FGF14: variants seen among roughly 807,000 people sequenced by gnomAD.
FGF14 encodes the protein fibroblast growth factor 14, also known as fibroblast growth factor homologous factor 4.
In FGF14, 5 loss-of-function variants were observed where a neutral mutation model predicts 25.5. The ratio of observed to expected loss-of-function variants is 0.20; its 90% confidence interval spans 0.10 to 0.41. The LOEUF is 0.41. Among genes scored for constraint, FGF14 ranks in the 10% least tolerant of loss-of-function variants. FGF14 has a pLI of 1.00. For synonymous variants in FGF14, 138 were observed against 118.3 expected (o/e 1.17, Z -1.08); for missense variants, 222 against 320.1 (o/e 0.69, Z 2.34).
At chr13:101,937,456 A>C (rs1043793343) in intron 1 of FGF14, among the ~76,000 whole-genome samples, 20 of 152,328 alleles carry the variant, frequency 1.3e-4, no homozygotes, top group Admixed American at 7.2e-4. Context: ...CACAGAGATG[A>C]AACATGTGAA....
At chr13:102,020,248 G>A (rs2040564501) in intron 1 of FGF14, among the ~76,000 whole-genome samples, 1 of 151,710 alleles carries the variant, frequency 6.6e-6, no homozygotes, top group African/African-American at 2.4e-5. Context: ...AGACCTAGGA[G>A]GTAAGAGAGT....
intron 1 of FGF14, among the ~76,000 whole-genome samples, chr13:102,036,995 A>G (rs1926012): frequency 0.43 from 65,040 of 151,918 alleles, 14,366 homozygotes; most frequent in East Asian, 0.73. Context: ...TCAGAGTGGC[A>G]TCCTTTCCAA....
intron 1 of FGF14, among the ~76,000 whole-genome samples, chr13:102,396,281 C>A (rs929943921): frequency 6.6e-6 from 1 of 152,136 alleles, no homozygotes; most frequent in African/African-American, 2.4e-5. Context: ...TAAAAATAGG[C>A]ACAGTGCAAT....
chr13:101,945,453 G>A (rs1260650214), intron 1 of FGF14, among the ~76,000 whole-genome samples: 2 of 152,196 alleles, frequency 1.3e-5, no homozygotes, highest in African/African-American at 2.4e-5. Flanking sequence ...TATTTTATAT[G>A]AACTGTTAGA....
intron 3 of FGF14, among the ~76,000 whole-genome samples, chr13:101,805,188 A>G (rs1052851311): frequency 6.6e-6 from 1 of 152,150 alleles, no homozygotes; most frequent in Non-Finnish European, 1.5e-5. Context: ...GATAGGGTTG[A>G]GAAACACTCA....
At chr13:102,316,256 A>T (rs1303576615) in intron 1 of FGF14, among the ~76,000 whole-genome samples, 3 of 152,214 alleles carry the variant, frequency 2.0e-5, no homozygotes, top group Non-Finnish European at 4.4e-5. Context: ...GCATACTATC[A>T]TGTTACATAC....
At chr13:101,996,007 C>T (rs1365346963) in intron 1 of FGF14, among the ~76,000 whole-genome samples, 1 of 152,112 alleles carries the variant, frequency 6.6e-6, no homozygotes, top group African/African-American at 2.4e-5. Context: ...AAGAGTATAA[C>T]TGAATTGTTT....
At chr13:102,257,337 C>CTTTGCTTTTTTTTTTTTTTTTTT (rs2052492390) in intron 1 of FGF14, among the ~76,000 whole-genome samples, 1 of 24,978 alleles carries the variant, frequency 4.0e-5, no homozygotes, top group Non-Finnish European at 9.1e-5. Flanking sequence ...CATTTCCTTT[C>CTTTGCTTTTTTTTTTTTTTTTTT]TTTTCTTTTT....
chr13:102,156,948 A>G (rs1419500059), intron 1 of FGF14, among the ~76,000 whole-genome samples: 1 of 152,196 alleles, frequency 6.6e-6, no homozygotes, highest in Admixed American at 6.5e-5. Context: ...TCCAACTTAC[A>G]AGGGATGTGA....
In FGF14 at chr13:102,204,090, T is replaced by C. The variant is rs9554858; in HGVS notation, c.208+197381A>G. Among the ~76,000 whole-genome samples, 27 of 152,318 alleles carry C rather than the reference T, an allele frequency of 1.8e-4. No homozygotes were observed. In the East Asian group the frequency reaches 5.0e-3, roughly 28 times the overall value. On this transcript the variant is annotated intron_variant, in intron 1 of 4. Coordinates refer to the FGF14 transcript ENST00000376131. Reference sequence around the variant, plus strand: ...GTTACCACAGTGGAAACTGAATTCATGGCAACAATATCCAAAATTGTGATT... The same window carrying C: ...GTTACCACAGTGGAAACTGAATTCACGGCAACAATATCCAAAATTGTGATT...
At chr13:101,853,799 C>T (rs1226153309) in intron 3 of FGF14, among the ~76,000 whole-genome samples, 1 of 151,930 alleles carries the variant, frequency 6.6e-6, no homozygotes, top group East Asian at 1.9e-4. Flanking sequence ...GCCCTCACTA[C>T]TAATCACTTT....
chr13:102,260,993 C>T (rs1566874872), intron 1 of FGF14, among the ~76,000 whole-genome samples: 1 of 152,192 alleles, frequency 6.6e-6, no homozygotes, highest in Non-Finnish European at 1.5e-5. Context: ...AAATTGTCAG[C>T]TACTTAGGGG....
intron 3 of FGF14, among the ~76,000 whole-genome samples, chr13:101,785,509 C>G (rs950424844): frequency 6.6e-6 from 1 of 151,980 alleles, no homozygotes; most frequent in Admixed American, 6.5e-5. Context: ...GTAGGGTTTG[C>G]AGCTGTGTCA....
At chr13:102,050,175 G>A (rs2042158076) in intron 1 of FGF14, among the ~76,000 whole-genome samples, 1 of 152,186 alleles carries the variant, frequency 6.6e-6, no homozygotes. Flanking sequence ...ATTCAAATGT[G>A]TTAAGAGGAA....
chr13:102,183,509 C>T (rs1156941909), intron 1 of FGF14, among the ~76,000 whole-genome samples: 1 of 152,106 alleles, frequency 6.6e-6, no homozygotes, highest in Non-Finnish European at 1.5e-5. Context: ...TAATGAAAAG[C>T]ATCTTTCATT....
Position 101,715,529 on chromosome 13 carries a change from C to A in FGF14, c.*7302G>T. 2.1e-6 allele frequency: 3 copies of A among 1,444,224 alleles called. No homozygotes were observed. The highest frequency in any genetic ancestry group is 2.9e-6 in the Non-Finnish European group (3 of 1,025,842). The allele number at this position is 1,444,224 out of a possible 1,614,324, so 89.5% of individuals were successfully genotyped here. Reference sequence around the variant, plus strand: ...ATGTTTAAATTTGGCACATTTTGATCATAATCATGATACCTATATGTATTT... The same window carrying A: ...ATGTTTAAATTTGGCACATTTTGATAATAATCATGATACCTATATGTATTT... On this transcript the variant is annotated 3_prime_UTR_variant, in exon 5 of 5. Coordinates refer to ENST00000376143, the MANE Select transcript of FGF14 (RefSeq NM_004115.4).
In FGF14 at chr13:102,135,393, T is replaced by C. The variant is rs9585850; in HGVS notation, c.209-260097A>G. Among the ~76,000 whole-genome samples the C allele has an allele frequency of 3.7e-3, 570 of 152,262 alleles. 5 individuals are homozygous for C. The highest frequency in any genetic ancestry group is 0.012 in the African/African-American group (500 of 41,548). ...AAGTCTGCTTGCACCATGAGAAAGCTCAGCAGCATTTAGTTTCTACAAGCC... is the reference window on the plus strand; with the variant it reads ...AAGTCTGCTTGCACCATGAGAAAGCCCAGCAGCATTTAGTTTCTACAAGCC... On this transcript the variant is annotated intron_variant, in intron 1 of 4. Transcript: ENST00000376131.
intron 1 of FGF14, among the ~76,000 whole-genome samples, chr13:102,226,072 G>A (rs2050814140): frequency 2.0e-5 from 3 of 152,274 alleles, no homozygotes; most frequent in Non-Finnish European, 2.9e-5. Context: ...TGGTTCACGC[G>A]TGTTGCAATT....
At chr13:101,778,683 C>T (rs78716842) in intron 3 of FGF14, among the ~76,000 whole-genome samples, 3,576 of 152,138 alleles carry the variant, frequency 0.024, 99 homozygotes, top group South Asian at 0.059. Context: ...ACAACCTCTC[C>T]CCGTTTCTAA....
Sources: allele counts gnomAD v4.1 joint callset (sites outside exome capture counted in the v4.1 genomes callset), GRCh38; gene constraint gnomAD v4.1.1; transcripts MANE v1.5; gene names NCBI Gene and HGNC (gene_info 2026-07-23, HGNC 2026-07-21).